PTPRD: variants seen among roughly 807,000 people sequenced by gnomAD.
PTPRD encodes the protein receptor-type tyrosine-protein phosphatase delta.
PTPRD carries 34 observed loss-of-function variants against 214.5 expected under a neutral mutation model. That is an observed-to-expected ratio of 0.16 (90% CI 0.12 to 0.21). The LOEUF (loss-of-function observed/expected upper bound fraction) is 0.21. Ranked by LOEUF, PTPRD falls within the 10% of genes least tolerant of loss-of-function variation. The pLI is 1.00. For synonymous variants in PTPRD, 1,128 were observed against 845.7 expected (o/e 1.33, Z -5.79); for missense variants, 2,545 against 2,398.7 (o/e 1.06, Z -1.27).
intron 2 of PTPRD, among the ~76,000 whole-genome samples, chr9:10,566,935 T>A (rs558740450): frequency 6.6e-6 from 1 of 152,126 alleles, no homozygotes. Context: ...CATTTTCACA[T>A]GACTACCTCT....
intron 9 of PTPRD, among the ~76,000 whole-genome samples, chr9:9,345,710 T>G (rs925192411): frequency 1.3e-5 from 2 of 152,250 alleles, no homozygotes; most frequent in African/African-American, 4.8e-5. Context: ...TGGCTTCCAG[T>G]AGTATGGTCT....
At chr9:9,652,790 A>G (rs2096398588) in intron 7 of PTPRD, among the ~76,000 whole-genome samples, 1 of 151,516 alleles carries the variant, frequency 6.6e-6, no homozygotes, top group Admixed American at 6.6e-5. Context: ...AATTTTTTGT[A>G]TCTAGTAGTG....
At chr9:9,656,994 C>A (rs1295815640) in intron 7 of PTPRD, among the ~76,000 whole-genome samples, 1 of 151,954 alleles carries the variant, frequency 6.6e-6, no homozygotes, top group Non-Finnish European at 1.5e-5. Flanking sequence ...CAAAAGTATG[C>A]AAGAGTTTAG....
chr9:9,758,184 C>CTT (rs34736489), intron 6 of PTPRD, among the ~76,000 whole-genome samples: 21,156 of 143,344 alleles, frequency 0.15, 2,425 homozygotes, highest in East Asian at 0.36. Flanking sequence ...CCTTAGCAGA[C>CTT]TTTTTTTTTT....
chr9:9,417,811 G>A (rs1386191621), intron 8 of PTPRD, among the ~76,000 whole-genome samples: 1 of 151,970 alleles, frequency 6.6e-6, no homozygotes, highest in Non-Finnish European at 1.5e-5. Context: ...TTTGTGTCAG[G>A]ATTAAATAAA....
intron 8 of PTPRD, among the ~76,000 whole-genome samples, chr9:9,526,816 C>T (rs947953725): frequency 6.6e-6 from 1 of 152,102 alleles, no homozygotes; most frequent in African/African-American, 2.4e-5. Flanking sequence ...GATTTCTGGT[C>T]ACCTAAAGCT....
intron 11 of PTPRD, among the ~76,000 whole-genome samples, chr9:8,770,871 G>A (rs917968231): frequency 2.0e-5 from 3 of 152,074 alleles, no homozygotes; most frequent in African/African-American, 7.2e-5. Context: ...ACTTCCCATT[G>A]CACAGTTTCT....
intron 5 of PTPRD, among the ~76,000 whole-genome samples, chr9:9,786,352 G>T (rs1046699593): frequency 6.6e-6 from 1 of 152,128 alleles, no homozygotes; most frequent in African/African-American, 2.4e-5. Context: ...TATATTCATG[G>T]TGGAAAACTT....
chr9:8,407,060 C>T (rs1484968964), intron 35 of PTPRD, among the ~76,000 whole-genome samples: 1 of 152,170 alleles, frequency 6.6e-6, no homozygotes, highest in Non-Finnish European at 1.5e-5. Context: ...ATGTCCATTT[C>T]CACTCTTGCC....
At chr9:9,707,275 A>T (rs974400562) in intron 7 of PTPRD, among the ~76,000 whole-genome samples, 19 of 152,198 alleles carry the variant, frequency 1.2e-4, no homozygotes, top group African/African-American at 4.6e-4. Context: ...AAACAAAATA[A>T]GAATATTTTT....
chr9:10,147,132 T>C (rs2099028666), intron 3 of PTPRD, among the ~76,000 whole-genome samples: 1 of 152,146 alleles, frequency 6.6e-6, no homozygotes, highest in African/African-American at 2.4e-5. Context: ...GAGTATTTTA[T>C]ATGGAGATGA....
intron 20 of PTPRD, among the ~76,000 whole-genome samples, chr9:8,519,762 A>G (rs759599205): frequency 2.0e-5 from 3 of 152,090 alleles, no homozygotes; most frequent in Non-Finnish European, 4.4e-5. Context: ...ATTAAGATTC[A>G]CTCTTATGTT....
intron 8 of PTPRD, among the ~76,000 whole-genome samples, chr9:9,536,213 T>C (rs2076490304): frequency 6.6e-6 from 1 of 152,032 alleles, no homozygotes; most frequent in African/African-American, 2.4e-5. Context: ...TGTATGTATC[T>C]CTCTGCTTAA....
intron 5 of PTPRD, among the ~76,000 whole-genome samples, chr9:9,931,338 C>A (rs1211938650): frequency 1.3e-5 from 2 of 152,170 alleles, no homozygotes; most frequent in East Asian, 3.9e-4. Context: ...CTAGGGAGTG[C>A]CAGACAGTGG....
chr9:10,161,231 CACA>C (rs2099125473), intron 3 of PTPRD, among the ~76,000 whole-genome samples: 1 of 151,742 alleles, frequency 6.6e-6, no homozygotes, highest in African/African-American at 2.4e-5. Flanking sequence ...TCCATGGAAT[CACA>C]AAAAGATCCT....
At chr9:9,673,392 G>C (rs913466093) in intron 7 of PTPRD, among the ~76,000 whole-genome samples, 4 of 151,762 alleles carry the variant, frequency 2.6e-5, no homozygotes, top group Admixed American at 2.6e-4. Context: ...CAAATTATTA[G>C]ATAGAACTCT....
At chr9:9,509,664 G>C (rs113907808) in intron 8 of PTPRD, among the ~76,000 whole-genome samples, 9 of 151,660 alleles carry the variant, frequency 5.9e-5, no homozygotes, top group African/African-American at 2.2e-4. Context: ...TACAGCATGA[G>C]AATAAAGCCG....
At chr9:8,543,904 G>A (rs2079143292) in intron 14 of PTPRD, among the ~76,000 whole-genome samples, 1 of 151,918 alleles carries the variant, frequency 6.6e-6, no homozygotes. Flanking sequence ...TAGAGACGGG[G>A]TTTCACCATA....
chr9:8,316,617 TTAA>T lies in PTPRD; in HGVS notation c.*1254_*1256del, dbSNP rs529075185. 1.3e-5 allele frequency: 3 copies of T among 230,734 alleles called. No individual in the cohort carries two copies. Among genetic ancestry groups the T allele is most frequent in the East Asian group, 6.2e-5 (1 of 16,236 alleles). 14.3% of individuals were successfully genotyped at this position (230,734 alleles called of 1,614,324 possible). Reference sequence around the variant, plus strand: ...TCCCACATGCACACCTCTTAGCTATTTAATAATAATTTTTATTGCACTAGAGTG... The same window carrying T: ...TCCCACATGCACACCTCTTAGCTATTTAATAATTTTTATTGCACTAGAGTG... On this transcript the variant is annotated 3_prime_UTR_variant, in exon 46 of 46. Coordinates refer to ENST00000381196, the MANE Select transcript of PTPRD (RefSeq NM_002839.4).
Sources: allele counts gnomAD v4.1 joint callset (sites outside exome capture counted in the v4.1 genomes callset), GRCh38; gene constraint gnomAD v4.1.1; transcripts MANE v1.5; gene names NCBI Gene and HGNC (gene_info 2026-07-23, HGNC 2026-07-21).